The following CMIP variants were observed in gnomAD, a reference collection of about 807,000 sequenced individuals.
The protein encoded by CMIP is c-Maf inducing protein, also known as C-Maf-inducing protein.
Under a neutral mutation model 97.3 loss-of-function variants are expected in CMIP, and 13 were observed. The observed-to-expected ratio is 0.13, with a 90% CI of 0.09 to 0.21. CMIP has a LOEUF of 0.21. CMIP is among the 10% of genes least tolerant of loss of function. The pLI is 1.00. For synonymous variants in CMIP, 538 were observed against 436.3 expected, an observed-to-expected ratio of 1.23 and a Z score of -2.91; for missense variants, 847 against 1,024.9, an observed-to-expected ratio of 0.83 and a Z score of 2.37.
chr16:81,657,841 C>A, intron 5 of CMIP, 25 bp downstream of exon 5: 1 of 1,581,684 alleles, frequency 6.3e-7, no homozygotes, highest in Non-Finnish European at 8.6e-7. Flanking sequence ...AACACGCTCC[C>A]TCCACCCACC....
intron 1 of CMIP, among the ~76,000 whole-genome samples, chr16:81,600,365 A>C (rs963328868): frequency 2.0e-5 from 3 of 152,096 alleles, no homozygotes; most frequent in Non-Finnish European, 4.4e-5. Context: ...CAGCAGATGA[A>C]TGTATAAACA....
chr16:81,626,814 T>TGGG (rs1330110229), intron 3 of CMIP, among the ~76,000 whole-genome samples: 35 of 120,754 alleles, frequency 2.9e-4, no homozygotes, highest in African/African-American at 1.0e-3. Flanking sequence ...TGTGTGTGTG[T>TGGG]GTGGGGTGCA....
intron 6 of CMIP, among the ~76,000 whole-genome samples, chr16:81,663,587 G>T (rs2092570909): frequency 6.6e-6 from 1 of 152,204 alleles, no homozygotes; most frequent in African/African-American, 2.4e-5. Context: ...TAAACACCCA[G>T]AGCGCACAGC....
At chr16:81,496,774 C>A (rs1342449156) in intron 1 of CMIP, among the ~76,000 whole-genome samples, 2 of 152,242 alleles carry the variant, frequency 1.3e-5, no homozygotes, top group Non-Finnish European at 2.9e-5. Flanking sequence ...AAACCTGGTG[C>A]TCCATCTCTT....
chr16:81,553,366 A>G (rs2090697146), intron 1 of CMIP, among the ~76,000 whole-genome samples: 1 of 152,200 alleles, frequency 6.6e-6, no homozygotes, highest in African/African-American at 2.4e-5. Context: ...TTGCAAAAGC[A>G]ACAAAGTTGA....
At chr16:81,645,736 GC>G in intron 3 of CMIP, 1 of 971,840 alleles carries the variant, frequency 1.0e-6, no homozygotes, top group Non-Finnish European at 1.6e-6. Flanking sequence ...GATGTGGGGA[GC>G]CCTCCTGAGT....
At position 81,710,208 on chromosome 16, in the gene CMIP, G is replaced by C. The variant is rs1908607877; in HGVS notation, c.*409G>C. Reference sequence around the variant, plus strand: ...GACGAAGGATGCTTTCTTCCTAGAGGCTCCGAGCTGAGCTGCGAACTCGCC... The same window carrying C: ...GACGAAGGATGCTTTCTTCCTAGAGCCTCCGAGCTGAGCTGCGAACTCGCC... On this transcript the variant is annotated 3_prime_UTR_variant, in exon 21 of 21. Coordinates refer to ENST00000537098, the MANE Select transcript of CMIP (RefSeq NM_198390.3). 1 of 246,286 alleles carries C rather than the reference G, an allele frequency of 4.1e-6. No individual in the cohort carries two copies. The highest frequency in any genetic ancestry group is 8.1e-6 in the Non-Finnish European group (1 of 124,080). 15.3% of individuals were successfully genotyped at this position (246,286 alleles called of 1,614,324 possible). A position where few individuals can be genotyped will look rare whatever the true frequency, so the allele number is the denominator to read the frequency against.
chr16:81,511,753 C>T (rs944418862), intron 1 of CMIP, among the ~76,000 whole-genome samples: 10 of 152,002 alleles, frequency 6.6e-5, no homozygotes, highest in African/African-American at 2.2e-4. Context: ...GTAGAGATGG[C>T]GTTTCACCAT....
At chr16:81,701,959 G>A (rs1314648194) in intron 16 of CMIP, among the ~76,000 whole-genome samples, 159 bp downstream of exon 16, 1 of 152,200 alleles carries the variant, frequency 6.6e-6, no homozygotes, top group East Asian at 1.9e-4. Context: ...CCACTTTTCA[G>A]GTAATCAAAG....
At chr16:81,566,064 C>A (rs548958990) in intron 1 of CMIP, among the ~76,000 whole-genome samples, 1 of 152,334 alleles carries the variant, frequency 6.6e-6, no homozygotes, top group African/African-American at 2.4e-5. Context: ...AGCGGGGGAC[C>A]TGGGAGACGT....
At chr16:81,701,941 A>C (rs1050869596) in intron 16 of CMIP, 141 bp downstream of exon 16, 42 of 946,642 alleles carry the variant, frequency 4.4e-5, no homozygotes, top group Admixed American at 1.4e-4. Context: ...AATTGGTATT[A>C]CCACCTGCCA....
intron 1 of CMIP, among the ~76,000 whole-genome samples, chr16:81,474,930 G>C (rs1907805212): frequency 1.3e-5 from 2 of 152,230 alleles, no homozygotes; most frequent in African/African-American, 4.8e-5. Context: ...GTGGTTCTGG[G>C]GGTGGCCAGG....
intron 1 of CMIP, among the ~76,000 whole-genome samples, chr16:81,522,729 C>T (rs1041770970): frequency 6.6e-6 from 1 of 152,134 alleles, no homozygotes. Flanking sequence ...ATGTTGTCCT[C>T]TTTGCTTTGC....
chr16:81,645,450 G>C, intron 3 of CMIP: 1 of 1,520,270 alleles, frequency 6.6e-7, no homozygotes. Flanking sequence ...TGCATTCTGA[G>C]TCACTCCTCT....
chr16:81,648,776 C>G (rs555872407), intron 3 of CMIP, among the ~76,000 whole-genome samples: 11 of 102,322 alleles, frequency 1.1e-4, no homozygotes, highest in African/African-American at 4.4e-4. Context: ...GAGCAAGACT[C>G]TGTCTCAGAA....
chr16:81,476,615 G>A (rs572665106), intron 1 of CMIP: 14 of 422,204 alleles, frequency 3.3e-5, no homozygotes, highest in South Asian at 2.7e-4. Flanking sequence ...CATTACTTGG[G>A]CCTTCTTGTG....
At chr16:81,578,187 A>T (rs1267979236) in intron 1 of CMIP, among the ~76,000 whole-genome samples, 1 of 151,210 alleles carries the variant, frequency 6.6e-6, no homozygotes, top group Non-Finnish European at 1.5e-5. Flanking sequence ...CTACATTATT[A>T]TCACTGTCAC....
At chr16:81,660,761 G>T in intron 5 of CMIP, 123 bp from the exon 6 acceptor site, 1 of 974,496 alleles carries the variant, frequency 1.0e-6, no homozygotes, top group South Asian at 1.4e-5. Flanking sequence ...TATGAATGAT[G>T]TGATGCAGGA....
At chr16:81,705,313 A>C (rs1308315761) in intron 18 of CMIP, among the ~76,000 whole-genome samples, 186 bp from the exon 19 acceptor site, 2 of 152,224 alleles carry the variant, frequency 1.3e-5, no homozygotes, top group Non-Finnish European at 2.9e-5. Flanking sequence ...GCTGGATTCT[A>C]ACCCGGTTCA....
Sources: allele counts gnomAD v4.1 joint callset (sites outside exome capture counted in the v4.1 genomes callset), GRCh38; gene constraint gnomAD v4.1.1; transcripts MANE v1.5; gene names NCBI Gene and HGNC (gene_info 2026-07-23, HGNC 2026-07-21).